Variants in CNTNAP2 observed in about 807,000 individuals in gnomAD.
CNTNAP2 encodes the protein contactin associated protein 2, also known as contactin-associated protein-like 2.
Under a neutral mutation model 155.2 loss-of-function variants are expected in CNTNAP2, and 98 were observed. The observed-to-expected ratio is 0.63, with a 90% CI of 0.54 to 0.75. CNTNAP2 has a LOEUF of 0.75. Ranked by LOEUF, CNTNAP2 falls within the 30% of genes least tolerant of loss-of-function variation. The pLI is 0.00. For synonymous variants in CNTNAP2, 651 were observed against 631.2 expected, an observed-to-expected ratio of 1.03 and a Z score of -0.47; for missense variants, 1,727 against 1,688.1, an observed-to-expected ratio of 1.02 and a Z score of -0.40.
intron 14 of CNTNAP2, among the ~76,000 whole-genome samples, chr7:147,933,525 A>ATAGATAGATAGG (rs1259740685): frequency 1.3e-5 from 2 of 152,116 alleles, no homozygotes; most frequent in African/African-American, 4.8e-5. Flanking sequence ...AGATAGATAG[A>ATAGATAGATAGG]TAGATAGATA....
intron 1 of CNTNAP2, among the ~76,000 whole-genome samples, chr7:146,616,401 G>A (rs1451767187): frequency 6.6e-6 from 1 of 152,106 alleles, no homozygotes; most frequent in Non-Finnish European, 1.5e-5. Context: ...GGAAGAATCT[G>A]GACAAATAAG....
intron 1 of CNTNAP2, among the ~76,000 whole-genome samples, chr7:146,211,546 G>T (rs550110327): frequency 6.6e-6 from 1 of 152,166 alleles, no homozygotes; most frequent in South Asian, 2.1e-4. Flanking sequence ...CCAAATTTTA[G>T]TAACAGTTTT....
intron 10 of CNTNAP2, among the ~76,000 whole-genome samples, chr7:147,481,768 G>T (rs374331463): frequency 3.3e-5 from 5 of 152,106 alleles, no homozygotes; most frequent in African/African-American, 1.2e-4. Flanking sequence ...CTTCTCCCCT[G>T]TACCTTCCTG....
chr7:146,894,240 T>G, intron 3 of CNTNAP2, among the ~76,000 whole-genome samples: 1 of 152,194 alleles, frequency 6.6e-6, no homozygotes, highest in East Asian at 1.9e-4. Context: ...AATGACATAG[T>G]AATGCCTTAG....
chr7:146,430,549 T>C (rs966704278), intron 1 of CNTNAP2, among the ~76,000 whole-genome samples: 2 of 152,062 alleles, frequency 1.3e-5, no homozygotes, highest in African/African-American at 4.8e-5. Flanking sequence ...CAGTAACTGC[T>C]ATTAAGTGGT....
chr7:146,355,669 T>A (rs1480436394), intron 1 of CNTNAP2, among the ~76,000 whole-genome samples: 8 of 152,200 alleles, frequency 5.3e-5, no homozygotes, highest in Non-Finnish European at 8.8e-5. Context: ...AGTTAGATAC[T>A]ATAAGTGCAT....
At chr7:147,852,164 A>C (rs1371751756) in intron 13 of CNTNAP2, among the ~76,000 whole-genome samples, 3 of 152,170 alleles carry the variant, frequency 2.0e-5, no homozygotes, top group Non-Finnish European at 4.4e-5. Flanking sequence ...AACACTTTAC[A>C]ACATGAATTC....
At chr7:146,135,468 A>C (rs1797784139) in intron 1 of CNTNAP2, among the ~76,000 whole-genome samples, 1 of 152,106 alleles carries the variant, frequency 6.6e-6, no homozygotes, top group Non-Finnish European at 1.5e-5. Context: ...CTAGTCTCCT[A>C]GGCTTCTGAG....
chr7:147,711,351 G>C (rs1002571681), intron 13 of CNTNAP2, among the ~76,000 whole-genome samples: 4 of 152,124 alleles, frequency 2.6e-5, no homozygotes, highest in South Asian at 2.1e-4. Flanking sequence ...ATAGAAGAGA[G>C]AGCTCATGCA....
At chr7:147,027,017 A>C (rs1231403508) in intron 3 of CNTNAP2, among the ~76,000 whole-genome samples, 2 of 131,676 alleles carry the variant, frequency 1.5e-5, no homozygotes, top group African/African-American at 7.3e-5. Context: ...AAAAAAAAAA[A>C]CAAAAAAAAG....
At chr7:146,331,117 A>T (rs1801178471) in intron 1 of CNTNAP2, among the ~76,000 whole-genome samples, 1 of 151,992 alleles carries the variant, frequency 6.6e-6, no homozygotes, top group Admixed American at 6.5e-5. Context: ...ATCCTGGCTA[A>T]CACGGTGAAA....
At chr7:147,523,587 CT>C (rs1799266152) in intron 11 of CNTNAP2, among the ~76,000 whole-genome samples, 1 of 152,186 alleles carries the variant, frequency 6.6e-6, no homozygotes, top group African/African-American at 2.4e-5. Flanking sequence ...AGAATTTCCT[CT>C]TCCAGGAAGC....
chr7:146,875,977 CGAG>C (rs1795420959), intron 3 of CNTNAP2, among the ~76,000 whole-genome samples: 1 of 82,592 alleles, frequency 1.2e-5, no homozygotes, highest in Non-Finnish European at 2.7e-5. Flanking sequence ...AACAAAAAAA[CGAG>C]AAGAAGAACA....
At chr7:146,876,297 A>C (rs988892556) in intron 3 of CNTNAP2, among the ~76,000 whole-genome samples, 1 of 152,088 alleles carries the variant, frequency 6.6e-6, no homozygotes, top group Non-Finnish European at 1.5e-5. Flanking sequence ...TTTGCTGCCA[A>C]GTCCCCCAGG....
chr7:147,867,658 C>T (rs1461665715), intron 13 of CNTNAP2, among the ~76,000 whole-genome samples: 1 of 152,078 alleles, frequency 6.6e-6, no homozygotes, highest in Non-Finnish European at 1.5e-5. Flanking sequence ...TTTTTACTCT[C>T]TTTTCTCTAA....
chr7:147,040,884 G>C (rs1016702994), intron 3 of CNTNAP2, among the ~76,000 whole-genome samples: 2 of 152,098 alleles, frequency 1.3e-5, no homozygotes, highest in Non-Finnish European at 2.9e-5. Flanking sequence ...TCCCTTTTCT[G>C]TCACCAATGC....
chr7:148,040,838 CA>C (rs1326249662), intron 15 of CNTNAP2, among the ~76,000 whole-genome samples: 1 of 127,140 alleles, frequency 7.9e-6, no homozygotes, highest in African/African-American at 2.8e-5. Context: ...GGAAAGAGAG[CA>C]AATTTTTTTT....
chr7:147,796,585 A>C (rs1430954501), intron 13 of CNTNAP2, among the ~76,000 whole-genome samples: 1 of 152,076 alleles, frequency 6.6e-6, no homozygotes, highest in Non-Finnish European at 1.5e-5. Context: ...GATTTATTAA[A>C]AAAAAAAAAC....
intron 4 of CNTNAP2, chr7:147,085,946 G>A (rs1264716056): frequency 1.3e-5 from 2 of 152,210 alleles, no homozygotes; most frequent in African/African-American, 2.4e-5. Context: ...AAGTCAAAGA[G>A]TAGCGTCGTG....
Sources: gnomAD v4.1 joint callset for allele counts (sites outside exome capture counted in the v4.1 genomes callset) on GRCh38, gnomAD v4.1.1 for gene constraint, MANE v1.5 for transcripts, NCBI Gene and HGNC (gene_info 2026-07-23, HGNC 2026-07-21) for gene names.